LNPK: variants seen among roughly 807,000 people sequenced by gnomAD.
LNPK encodes the protein endoplasmic reticulum junction formation protein lunapark.
Under a neutral mutation model 55.2 loss-of-function variants are expected in LNPK, and 29 were observed. The ratio of observed to expected loss-of-function variants is 0.53; its 90% confidence interval spans 0.39 to 0.72. The LOEUF (loss-of-function observed/expected upper bound fraction) is 0.72, where lower values mean the gene tolerates loss of function less well. Ranked by LOEUF, LNPK falls within the 30% of genes least tolerant of loss-of-function variation. The pLI is 0.00. For missense variants in LNPK, 467 were observed against 494.8 expected (o/e 0.94, Z 0.53); for synonymous variants, 162 against 168.2 (o/e 0.96, Z 0.29).
chr2:175,949,680 C>T (rs921140872), intron 8 of LNPK, among the ~76,000 whole-genome samples: 1 of 151,976 alleles, frequency 6.6e-6, no homozygotes, highest in African/African-American at 2.4e-5. Context: ...GACACCATGT[C>T]AAGCATTCCA....
intron 1 of LNPK, among the ~76,000 whole-genome samples, chr2:175,997,495 G>A (rs1336426458): frequency 6.6e-6 from 1 of 152,010 alleles, no homozygotes; most frequent in Admixed American, 6.5e-5. Context: ...CACTATTCTG[G>A]AACTAGTGTA....
chr2:175,965,520 TA>T (rs1686281719), intron 6 of LNPK, among the ~76,000 whole-genome samples: 1 of 152,200 alleles, frequency 6.6e-6, no homozygotes, highest in Non-Finnish European at 1.5e-5. Flanking sequence ...TAAGATTCAT[TA>T]AATGTCATAT....
chr2:176,001,422 A>T (rs1165486307), intron 1 of LNPK, among the ~76,000 whole-genome samples: 1 of 152,204 alleles, frequency 6.6e-6, no homozygotes, highest in Non-Finnish European at 1.5e-5. Flanking sequence ...TGAAAGCACC[A>T]TCAGCAAAGC....
rs762405651 is a variant in LNPK, at chr2:175,996,248, T to C, written c.-62-602A>G. ...CTTTGCAATTTTCTATCCTTTAAAA[T>C]AGGTTCTCTATGTTGTTCTGGTAAC... On this transcript the variant is annotated intron_variant, in intron 1 of 12. Coordinates refer to ENST00000272748, the MANE Select transcript of LNPK (RefSeq NM_030650.3). Among the ~76,000 whole-genome samples the C allele has an allele frequency of 4.6e-5, 7 of 151,628 alleles. No individual in the cohort carries two copies. In the East Asian group the frequency reaches 5.8e-4, roughly 13 times the overall value.
intron 2 of LNPK, chr2:175,994,257 A>G: frequency 1.0e-6 from 1 of 971,526 alleles, no homozygotes; most frequent in Middle Eastern, 5.3e-4. Context: ...GCAGTTGAAT[A>G]CTGGCAATTT....
intron 8 of LNPK, among the ~76,000 whole-genome samples, chr2:175,954,626 C>T (rs1307069507): frequency 6.6e-6 from 1 of 152,158 alleles, no homozygotes; most frequent in Non-Finnish European, 1.5e-5. Context: ...TTAACATTTA[C>T]TTTCCTTTAT....
chr2:175,998,690 T>C (rs932586897), intron 1 of LNPK, among the ~76,000 whole-genome samples: 2 of 152,068 alleles, frequency 1.3e-5, no homozygotes, highest in African/African-American at 4.8e-5. Context: ...GCACAAGAAA[T>C]AGTATTAGTA....
chr2:175,948,300 G>C (rs1002745833), intron 8 of LNPK, among the ~76,000 whole-genome samples: 6 of 152,252 alleles, frequency 3.9e-5, no homozygotes, highest in Middle Eastern at 3.4e-3. Flanking sequence ...TTAGCTTATA[G>C]TTACAGAAAT....
At chr2:175,977,778 T>A (rs1686977806) in intron 5 of LNPK, among the ~76,000 whole-genome samples, 2 of 152,180 alleles carry the variant, frequency 1.3e-5, no homozygotes, top group South Asian at 4.1e-4. Flanking sequence ...TTTTAAAAAA[T>A]TTTTGTTTTG....
chr2:175,987,471 A>T (rs1481654494), intron 4 of LNPK, among the ~76,000 whole-genome samples: 2 of 152,148 alleles, frequency 1.3e-5, no homozygotes, highest in African/African-American at 2.4e-5. Context: ...GGAATTGAAC[A>T]ATGAGAACAC....
intron 8 of LNPK, among the ~76,000 whole-genome samples, chr2:175,958,062 C>T (rs965445210): frequency 1.3e-5 from 2 of 152,226 alleles, no homozygotes; most frequent in African/African-American, 2.4e-5. Flanking sequence ...CCAGGAAGCT[C>T]GAACTGGGTG....
chr2:175,930,075 T>C lies in LNPK; in HGVS notation c.1179A>G (p.Gln393=), dbSNP rs556834285. 368 of 1,614,164 alleles carry C rather than the reference T, an allele frequency of 2.3e-4. 2 individuals carry two copies. In the South Asian group the frequency reaches 3.8e-3, roughly 17 times the overall value. The change falls in exon 13 of 13, where the codon CAA becomes CAG. Residue 393 remains glutamine, a synonymous_variant. Coordinates refer to ENST00000272748, the MANE Select transcript of LNPK (RefSeq NM_030650.3). ...CTGAGGCTTCCTCATTCTCAGTCTC[T>C]TGTTTCTCCTCTGGTTCCTCTGAGT... ...ASDSEEPEEK[Q]ETENEEASVI... is the part of the protein sequence containing the mutation.
At chr2:175,986,628 T>C (rs1687427191) in intron 4 of LNPK, among the ~76,000 whole-genome samples, 1 of 152,080 alleles carries the variant, frequency 6.6e-6, no homozygotes, top group African/African-American at 2.4e-5. Context: ...TTTCCTGGAA[T>C]TCAAGAATGA....
At chr2:175,959,480 G>C (rs1291665924) in intron 8 of LNPK, among the ~76,000 whole-genome samples, 6 of 152,122 alleles carry the variant, frequency 3.9e-5, no homozygotes, top group African/African-American at 1.4e-4. Context: ...AAGTGAAGGA[G>C]AAATAATATC....
chr2:175,957,559 A>G (rs546884190), intron 8 of LNPK, among the ~76,000 whole-genome samples: 2 of 151,918 alleles, frequency 1.3e-5, no homozygotes, highest in East Asian at 3.9e-4. Context: ...TCCATCATTA[A>G]TTATTCCACA....
intron 4 of LNPK, among the ~76,000 whole-genome samples, chr2:175,985,335 A>T (rs1303937826): frequency 6.6e-6 from 1 of 152,136 alleles, no homozygotes; most frequent in African/African-American, 2.4e-5. Flanking sequence ...TATAAAACCC[A>T]CTCAAAGGAA....
chr2:175,972,487 C>G (rs1023346864), intron 5 of LNPK, among the ~76,000 whole-genome samples: 1 of 152,052 alleles, frequency 6.6e-6, no homozygotes, highest in Admixed American at 6.6e-5. Context: ...TTTGAATTTT[C>G]AGATTTGGGA....
At chr2:175,957,453 C>T (rs1007057440) in intron 8 of LNPK, among the ~76,000 whole-genome samples, 34 of 151,892 alleles carry the variant, frequency 2.2e-4, no homozygotes, top group Non-Finnish European at 3.5e-4. Context: ...AGCTATCACA[C>T]ACTTGTCAAA....
chr2:175,986,891 T>C (rs1038187483), intron 4 of LNPK, among the ~76,000 whole-genome samples: 3 of 151,358 alleles, frequency 2.0e-5, no homozygotes, highest in African/African-American at 4.9e-5. Context: ...TCCACTATTT[T>C]CTCTACAACT....
Sources: gnomAD v4.1 joint callset for allele counts (sites outside exome capture counted in the v4.1 genomes callset) on GRCh38, gnomAD v4.1.1 for gene constraint, MANE v1.5 for transcripts, NCBI Gene and HGNC (gene_info 2026-07-23, HGNC 2026-07-21) for gene names.